Variants in RPL6 observed in about 807,000 individuals in gnomAD.
RPL6 encodes large ribosomal subunit protein eL6.
Under a neutral mutation model 32.1 loss-of-function variants are expected in RPL6, and 1 was observed. The ratio of observed to expected loss-of-function variants is 0.03; its 90% CI spans 0.01 to 0.15. The LOEUF is 0.15. Ranked by LOEUF, RPL6 falls within the 10% of genes least tolerant of loss-of-function variation. The pLI, the probability that RPL6 is intolerant of heterozygous loss-of-function variation, is 1.00. For synonymous variants in RPL6, 126 were observed against 131.6 expected (o/e 0.96, Z 0.29); for missense variants, 275 against 354.6 (o/e 0.78, Z 1.80).
chr12:112,416,133 ATTTTTTTTTTT>A (rs1168421826), intron 1 of RPL6, among the ~76,000 whole-genome samples: 1 of 51,052 alleles, frequency 2.0e-5, no homozygotes, highest in Non-Finnish European at 3.7e-5. Flanking sequence ...TAAATTTTGT[ATTTTTTTTTTT>A]TTTTTTTTTT....
upstream of RPL6, among the ~76,000 whole-genome samples, chr12:112,414,961 A>AAATC (rs2037387366): frequency 6.6e-6 from 1 of 151,970 alleles, no homozygotes; most frequent in Admixed American, 6.6e-5. Context: ...CCTATATGAT[A>AAATC]CGGCTCTTAG....
Position 112,405,854 on chromosome 12 carries a change from T to C in RPL6, c.713A>G (p.Glu238Gly), listed in dbSNP as rs776279399. 3 of 1,609,810 alleles carry C rather than the reference T, an allele frequency of 1.9e-6. No homozygotes were observed. Among genetic ancestry groups the C allele is most frequent in the Non-Finnish European group, 2.5e-6 (3 of 1,177,958 alleles). ...AGGAGATGACAAGTAGAAACTTACC[T>C]CTTTTTCTGTGTCGAAGATCTCACC... ...QEGEIFDTEK[E>G]KYEITEQRKI... is the part of the protein sequence containing the mutation. The change falls in exon 6 of 7, where the codon GAG (glutamate) becomes GGG (glycine). Residue 238 changes from glutamate to glycine, a missense_variant and splice_region_variant. Glu to Gly is a moderately conservative substitution (Grantham distance 98, BLOSUM62 -2). Transcript: ENST00000202773.
chr12:112,407,009 T>C (rs1043694367), intron 3 of RPL6, 119 bp from the exon 4 acceptor site: 9 of 972,246 alleles, frequency 9.3e-6, no homozygotes, highest in Non-Finnish European at 1.3e-5. Context: ...ACTGTATTTA[T>C]ATGATTCCAT....
At chr12:112,407,819 C>G (rs1347815927) in intron 3 of RPL6, 1 of 171,942 alleles carries the variant, frequency 5.8e-6, no homozygotes, top group Non-Finnish European at 1.3e-5. Flanking sequence ...TCTCTGCCTC[C>G]CGGGTTCAAG....
At chr12:112,405,701 T>C (rs2135793003) in intron 6 of RPL6, 152 bp downstream of exon 6, 1 of 704,140 alleles carries the variant, frequency 1.4e-6, no homozygotes, top group Admixed American at 3.2e-5. Flanking sequence ...CCAAAAGAAC[T>C]ACTCAATTTA....
At chr12:112,405,416 T>C (rs1193548976) in intron 6 of RPL6, 40 bp from the exon 7 acceptor site, 4 of 1,596,498 alleles carry the variant, frequency 2.5e-6, no homozygotes, top group African/African-American at 1.4e-5. Context: ...AACAGGCACA[T>C]ACCAAATTAC....
At chr12:112,415,176 T>C (rs2037390492), upstream of RPL6, among the ~76,000 whole-genome samples, 1 of 152,150 alleles carries the variant, frequency 6.6e-6, no homozygotes, top group Non-Finnish European at 1.5e-5. Context: ...TGGGAAAGAA[T>C]ATGGCATATT....
upstream of RPL6, among the ~76,000 whole-genome samples, chr12:112,411,095 G>A (rs538192728): frequency 6.6e-6 from 1 of 152,332 alleles, no homozygotes; most frequent in East Asian, 1.9e-4. Context: ...CTTGCTCACA[G>A]CATAGATCTG....
In RPL6 at chr12:112,409,248, G is replaced by C. The variant is rs1047338282; in HGVS notation, c.-1+339C>G. 28 of 385,086 alleles carry C rather than the reference G, an allele frequency of 7.3e-5. No individual in the cohort carries two copies. In the Admixed American group the frequency reaches 9.4e-4, roughly 13 times the overall value. The allele number at this position is 385,086 out of a possible 1,614,324, so 23.9% of individuals were successfully genotyped here. On this transcript the variant is annotated intron_variant, in intron 1 of 6. Transcript: ENST00000202773. ...CCCCAACGTGGCTGCGACAGGCTCA[G>C]TGTCATCCTCTGGAACCCAGGACCA...
At chr12:112,410,638 A>G, upstream of RPL6, among the ~76,000 whole-genome samples, 1 of 125,146 alleles carries the variant, frequency 8.0e-6, no homozygotes, top group Non-Finnish European at 1.6e-5. Context: ...TGGTGGCACG[A>G]TCTTGGCTCA....
chr12:112,406,433 G>A, intron 4 of RPL6, 91 bp from the exon 5 acceptor site: 6 of 1,187,222 alleles, frequency 5.1e-6, no homozygotes, highest in Middle Eastern at 2.8e-4. Context: ...TTGGGTAAAG[G>A]AAATTTCTAC....
chr12:112,406,375 G>C, intron 4 of RPL6, 33 bp from the exon 5 acceptor site: 1 of 1,581,836 alleles, frequency 6.3e-7, no homozygotes, highest in South Asian at 1.1e-5. Flanking sequence ...TTAGTTTTCT[G>C]CAATTAAAAA....
chr12:112,406,972 T>G, intron 3 of RPL6, 82 bp from the exon 4 acceptor site: 1 of 1,400,484 alleles, frequency 7.1e-7, no homozygotes. Flanking sequence ...AAACTTTTGC[T>G]ACAGCCTTTT....
chr12:112,406,194 A>G lies in RPL6; in HGVS notation c.529+100T>C, dbSNP rs2233861. On this transcript the variant is annotated intron_variant, in intron 5 of 6. Transcript: ENST00000202773. ...AAATGGGCCTCAGACACTTGTGGCA[A>G]TAAGTGTCTACCATGTAGGCAGTAG... 576 of 1,236,938 alleles carry G rather than the reference A, an allele frequency of 4.7e-4. 1 individual carries two copies. Among genetic ancestry groups the G allele is most frequent in the Non-Finnish European group, 6.3e-4 (541 of 854,334 alleles). 76.6% of individuals were successfully genotyped at this position (1,236,938 alleles called of 1,614,324 possible).
intron 1 of RPL6, 41 bp downstream of exon 1, chr12:112,409,546 G>C: frequency 2.5e-6 from 1 of 398,642 alleles, no homozygotes; most frequent in Non-Finnish European, 4.4e-6. Context: ...AGGATTGGGA[G>C]TCCTGAACTC....
upstream of RPL6, chr12:112,410,330 G>T (rs891291052): frequency 7.5e-5 from 22 of 295,192 alleles, no homozygotes; most frequent in Non-Finnish European, 1.4e-4. Flanking sequence ...CTTGGATTTA[G>T]CGGCTGACTA....
rs369557690 is a variant in RPL6, at chr12:112,405,916, G to T, written c.651C>A (p.Phe217Leu). The stretch of plus-strand genomic sequence containing the variant: ...TGGGCTTCCGCAGCTTCTTCTTCTT[G>T]AAGTAAGCATCAGTAAGATGTTTTG... The part of the protein sequence containing the change: ...KIPKHLTDAY[F>L]KKKKLRKPRH... The change falls in exon 6 of 7, where the codon TTC becomes TTA. Residue 217 changes from phenylalanine to leucine, a missense_variant. Physicochemically the swap from Phe to Leu is conservative, Grantham distance 22. Transcript: ENST00000202773. 8 of 1,614,036 alleles carry T rather than the reference G, an allele frequency of 5.0e-6. No individual in the cohort carries two copies. The Admixed American group carries it at 5.0e-5, about 10-fold the overall frequency.
intron 1 of RPL6, among the ~76,000 whole-genome samples, chr12:112,417,736 C>G (rs1212179368): frequency 6.6e-6 from 1 of 151,580 alleles, no homozygotes; most frequent in Non-Finnish European, 1.5e-5. Flanking sequence ...CGGCTTTCAG[C>G]AGCCTCGACC....
upstream of RPL6, chr12:112,410,310 C>T (rs759084875): frequency 8.2e-5 from 24 of 292,052 alleles, no homozygotes; most frequent in Non-Finnish European, 1.4e-4. Context: ...GTGGTCCCCT[C>T]TTCCCTTACC....
Sources: allele counts gnomAD v4.1 joint callset (sites outside exome capture counted in the v4.1 genomes callset), GRCh38; gene constraint gnomAD v4.1.1; transcripts MANE v1.5; gene names NCBI Gene and HGNC (gene_info 2026-07-23, HGNC 2026-07-21).